Variants in SCRG1 observed in about 807,000 individuals in gnomAD.
SCRG1 encodes scrapie-responsive protein 1.
SCRG1 carries 3 observed loss-of-function variants against 7.7 expected under a neutral mutation model. The observed-to-expected ratio is 0.39, with a 90% CI of 0.18 to 1.01. The LOEUF is 1.01. Ranked by LOEUF, SCRG1 falls within the 50% of genes least tolerant of loss-of-function variation. The pLI is 0.36. For synonymous variants in SCRG1, 46 were observed against 41.2 expected (o/e 1.12, Z -0.44); for missense variants, 110 against 117.2 (o/e 0.94, Z 0.28).
chr4:173,463,343 G>A, the SCRG1 span, among the ~76,000 whole-genome samples: 2 of 152,050 alleles, frequency 1.3e-5, no homozygotes, highest in South Asian at 4.2e-4. Context: ...CCGTGATCTC[G>A]GCTCACTGCA....
chr4:173,431,390 C>T, the SCRG1 span, among the ~76,000 whole-genome samples: 1 of 152,144 alleles, frequency 6.6e-6, no homozygotes, highest in Non-Finnish European at 1.5e-5. Context: ...AGGGTAGAAA[C>T]AGCAAGAACC....
chr4:173,446,203 A>G, the SCRG1 span, among the ~76,000 whole-genome samples: 1 of 152,198 alleles, frequency 6.6e-6, no homozygotes, highest in Non-Finnish European at 1.5e-5. Flanking sequence ...CTTCCAACAT[A>G]AGCATTAAGT....
At chr4:173,406,539 A>C (rs1462750223), upstream of SCRG1, among the ~76,000 whole-genome samples, 1 of 152,220 alleles carries the variant, frequency 6.6e-6, no homozygotes, top group Non-Finnish European at 1.5e-5. Flanking sequence ...GGGTTTTGAC[A>C]AGCACATAGT....
chr4:173,446,659 G>C, the SCRG1 span: 5 of 152,192 alleles, frequency 3.3e-5, no homozygotes, highest in African/African-American at 4.8e-5. Context: ...GGGCCTGCTT[G>C]TCTGCGTCAT....
upstream of SCRG1, chr4:173,403,297 T>C (rs1359264225): frequency 6.6e-6 from 1 of 152,156 alleles, no homozygotes; most frequent in Admixed American, 6.5e-5. Flanking sequence ...GTATTCATAT[T>C]GGAATGCAAT....
At chr4:173,438,791 A>G in the SCRG1 span, among the ~76,000 whole-genome samples, 2 of 151,846 alleles carry the variant, frequency 1.3e-5, no homozygotes, top group Non-Finnish European at 2.9e-5. Flanking sequence ...ATTCTTGCAA[A>G]GCTTGATCAT....
chr4:173,479,435 G>GTTTTTTTTTTTTTTTTTTTTTTTTT, the SCRG1 span, among the ~76,000 whole-genome samples: 1 of 125,930 alleles, frequency 7.9e-6, no homozygotes, highest in African/African-American at 2.8e-5. Context: ...TTGTTTGTTT[G>GTTTTTTTTTTTTTTTTTTTTTTTTT]TTTTTTTGTT....
At chr4:173,484,959 A>T in the SCRG1 span, among the ~76,000 whole-genome samples, 1 of 56,480 alleles carries the variant, frequency 1.8e-5, no homozygotes, top group South Asian at 5.8e-4. Flanking sequence ...ATAATATTAT[A>T]TATATTATAT....
the SCRG1 span, among the ~76,000 whole-genome samples, chr4:173,444,919 A>G: frequency 2.0e-5 from 3 of 152,258 alleles, no homozygotes; most frequent in Admixed American, 2.0e-4. Context: ...CTTCTGTGTA[A>G]ATCATTTAGT....
intron 2 of SCRG1, chr4:173,389,823 C>T (rs1204696192): frequency 2.4e-6 from 1 of 416,100 alleles, no homozygotes; most frequent in South Asian, 1.8e-5. Flanking sequence ...TGCACCTTTC[C>T]TTGGTAAGAT....
the SCRG1 span, among the ~76,000 whole-genome samples, chr4:173,511,441 GTT>G: frequency 6.6e-6 from 1 of 151,808 alleles, no homozygotes; most frequent in African/African-American, 2.4e-5. The surrounding 1 kb of genome is among the most constrained non-coding windows in gnomAD (Gnocchi z 5.2). Context: ...TGTTTGTTTT[GTT>G]TTGTTTTTTT....
chr4:173,464,544 C>T, the SCRG1 span, among the ~76,000 whole-genome samples: 2 of 152,074 alleles, frequency 1.3e-5, no homozygotes, highest in Admixed American at 6.6e-5. Flanking sequence ...TGGGTGTGCA[C>T]CTCTTAGGAT....
upstream of SCRG1, among the ~76,000 whole-genome samples, chr4:173,409,620 G>A (rs988227818): frequency 1.5e-5 from 2 of 131,594 alleles, no homozygotes; most frequent in East Asian, 2.2e-4. Context: ...ACAGAGTCTC[G>A]CTCTGTTGCC....
At chr4:173,408,167 G>A (rs1739956099), upstream of SCRG1, among the ~76,000 whole-genome samples, 1 of 152,066 alleles carries the variant, frequency 6.6e-6, no homozygotes, top group South Asian at 2.1e-4. Context: ...GTATAATCCT[G>A]ATGAAATATA....
At position 173,385,531 on chromosome 4, in the gene SCRG1, A is replaced by G. The variant is rs1199399048; in HGVS notation, c.*2810T>C. The G allele has an allele frequency of 2.6e-5, 4 of 152,126 alleles. No homozygotes were observed. The highest frequency in any genetic ancestry group is 9.7e-5 in the African/African-American group (4 of 41,442). The allele number at this position is 152,126 out of a possible 1,614,324, so 9.4% of individuals were successfully genotyped here. ...TTGACCAAGTTAGAGAAATAGTTAT[A>G]TAAGGTAAGTTGTGTGAATGTATGT... On this transcript the variant is annotated 3_prime_UTR_variant, in exon 3 of 3. Transcript: ENST00000296506.
intron 2 of SCRG1, 143 bp downstream of exon 2, chr4:173,391,030 T>C (rs926340751): frequency 1.3e-6 from 1 of 791,994 alleles, no homozygotes; most frequent in Non-Finnish European, 2.1e-6. Context: ...TACACAATAG[T>C]GATTATTCTA....
the SCRG1 span, among the ~76,000 whole-genome samples, chr4:173,453,294 G>A: frequency 2.0e-5 from 3 of 152,190 alleles, no homozygotes; most frequent in African/African-American, 7.2e-5. Flanking sequence ...CAGAATAAAC[G>A]CAGTCAGTAT....
At chr4:173,480,997 T>A in the SCRG1 span, among the ~76,000 whole-genome samples, 2 of 152,086 alleles carry the variant, frequency 1.3e-5, no homozygotes, top group Non-Finnish European at 2.9e-5. Flanking sequence ...CTAATGAAAA[T>A]CAGGTGTTTC....
Position 173,387,933 on chromosome 4 carries a change from A to C in SCRG1, c.*408T>G, listed in dbSNP as rs1160561828. On this transcript the variant is annotated 3_prime_UTR_variant, in exon 3 of 3. Coordinates refer to ENST00000296506, the MANE Select transcript of SCRG1 (RefSeq NM_007281.4). ...CCAGGCTGGTCCCTTTTTCCTTCTTACTAGAAAATTTCTAGCTCCCTTCCA... is the reference window on the plus strand; with the variant it reads ...CCAGGCTGGTCCCTTTTTCCTTCTTCCTAGAAAATTTCTAGCTCCCTTCCA... 1 of 154,562 alleles carries C rather than the reference A, an allele frequency of 6.5e-6. No homozygotes were observed. The highest frequency in any genetic ancestry group is 2.4e-5 in the African/African-American group (1 of 41,448). 9.6% of individuals were successfully genotyped at this position (154,562 alleles called of 1,614,324 possible). A position where few individuals can be genotyped will look rare whatever the true frequency, so the allele number is the denominator to read the frequency against.
Sources: gnomAD v4.1 joint callset for allele counts (sites outside exome capture counted in the v4.1 genomes callset) on GRCh38, gnomAD v4.1.1 for gene constraint, Gnocchi (gnomAD v3.1) non-coding constraint, MANE v1.5 for transcripts, NCBI Gene and HGNC (gene_info 2026-07-23, HGNC 2026-07-21) for gene names.